IKBKB-DT: variants seen among roughly 807,000 people sequenced by gnomAD.
The protein encoded by IKBKB-DT is IKBKB divergent transcript.
chr8:42,238,600 C>T (rs371729135), intron 3 of IKBKB-DT, among the ~76,000 whole-genome samples: 15 of 152,300 alleles, frequency 9.8e-5, no homozygotes, highest in East Asian at 5.8e-4. Flanking sequence ...TTAGGAGTCA[C>T]GGAGCCAGAG....
At chr8:42,259,981 CA>C (rs111459897) in intron 3 of IKBKB-DT, among the ~76,000 whole-genome samples, 1,349 of 63,584 alleles carry the variant, frequency 0.021, 13 homozygotes, top group African/African-American at 0.049. Flanking sequence ...GACTCCGTCT[CA>C]AAAAAAAAAA....
intron 3 of IKBKB-DT, among the ~76,000 whole-genome samples, chr8:42,239,893 C>T (rs1806978441): frequency 2.0e-5 from 3 of 151,680 alleles, no homozygotes; most frequent in Admixed American, 2.0e-4. Flanking sequence ...CCTGGCTCAG[C>T]CTCCCAAAGT....
chr8:42,257,286 G>A (rs965417737), intron 3 of IKBKB-DT, among the ~76,000 whole-genome samples: 2 of 146,586 alleles, frequency 1.4e-5, no homozygotes, highest in Non-Finnish European at 3.0e-5. Flanking sequence ...GGCGGATCAC[G>A]AGGTCAACCA....
intron 3 of IKBKB-DT, among the ~76,000 whole-genome samples, chr8:42,237,801 A>T (rs1254738203): frequency 2.6e-5 from 4 of 151,994 alleles, no homozygotes; most frequent in Non-Finnish European, 4.4e-5. Flanking sequence ...AGACAGGAGG[A>T]TTGCTTGAAT....
At chr8:42,247,770 G>A (rs1221488906) in intron 3 of IKBKB-DT, among the ~76,000 whole-genome samples, 1 of 152,066 alleles carries the variant, frequency 6.6e-6, no homozygotes, top group African/African-American at 2.4e-5. Flanking sequence ...TTTCCTCTGG[G>A]CTTTTCTCTA....
chr8:42,239,628 ATATATATTTATT>A (rs1232171590), intron 3 of IKBKB-DT, among the ~76,000 whole-genome samples: 1 of 95,048 alleles, frequency 1.1e-5, no homozygotes, highest in East Asian at 3.1e-4. Flanking sequence ...ATATATATAT[ATATATATTTATT>A]TATTTATTCA....
At chr8:42,268,059 G>C (rs1320720588) in intron 1 of IKBKB-DT, among the ~76,000 whole-genome samples, 2 of 151,606 alleles carry the variant, frequency 1.3e-5, no homozygotes, top group African/African-American at 4.9e-5. Context: ...CAGGATTAAA[G>C]AGAAACCTTT....
intron 1 of IKBKB-DT, among the ~76,000 whole-genome samples, chr8:42,267,113 T>A (rs1015190050): frequency 1.1e-4 from 17 of 151,104 alleles, no homozygotes; most frequent in African/African-American, 3.9e-4. Flanking sequence ...CACACCATTC[T>A]CCTGCCTCAG....
intron 3 of IKBKB-DT, among the ~76,000 whole-genome samples, chr8:42,236,948 G>C (rs1275774450): frequency 6.6e-6 from 1 of 152,030 alleles, no homozygotes; most frequent in African/African-American, 2.4e-5. Flanking sequence ...TTGAGCTCTT[G>C]AGTTCAAGTA....
At chr8:42,239,632 A>ATATATATATATATATATATATATT (rs1287944961) in intron 3 of IKBKB-DT, among the ~76,000 whole-genome samples, 68 of 86,930 alleles carry the variant, frequency 7.8e-4, no homozygotes, top group African/African-American at 2.3e-3. Flanking sequence ...ATATATATAT[A>ATATATATATATATATATATATATT]TATTTATTTA....
At chr8:42,259,576 A>G (rs1244695036) in intron 3 of IKBKB-DT, among the ~76,000 whole-genome samples, 1 of 152,176 alleles carries the variant, frequency 6.6e-6, no homozygotes, top group African/African-American at 2.4e-5. Flanking sequence ...CATGTGATAA[A>G]CCATAATCAT....
chr8:42,262,573 G>A (rs1302681669), intron 3 of IKBKB-DT, among the ~76,000 whole-genome samples: 4 of 151,852 alleles, frequency 2.6e-5, no homozygotes, highest in Non-Finnish European at 5.9e-5. Context: ...CTGAGTAGCT[G>A]GGACTACAGG....
intron 1 of IKBKB-DT, chr8:42,270,439 G>A (rs1178318324): frequency 6.6e-6 from 1 of 152,340 alleles, no homozygotes; most frequent in Non-Finnish European, 1.5e-5. Flanking sequence ...GGGTGACAGA[G>A]CGAGATAATA....
chr8:42,239,632 A>ATATATATATATTTATT (rs1287944961), intron 3 of IKBKB-DT, among the ~76,000 whole-genome samples: 9 of 86,970 alleles, frequency 1.0e-4, no homozygotes, highest in African/African-American at 3.9e-4. Flanking sequence ...ATATATATAT[A>ATATATATATATTTATT]TATTTATTTA....
intron 3 of IKBKB-DT, among the ~76,000 whole-genome samples, chr8:42,242,155 C>T (rs1228360284): frequency 6.6e-6 from 1 of 152,090 alleles, no homozygotes; most frequent in African/African-American, 2.4e-5. Context: ...GCAGAGGTTG[C>T]AGTGAGCTGA....
At chr8:42,253,718 T>C (rs978208148) in intron 3 of IKBKB-DT, among the ~76,000 whole-genome samples, 2 of 152,212 alleles carry the variant, frequency 1.3e-5, no homozygotes, top group Non-Finnish European at 2.9e-5. Context: ...AGGCCATTTG[T>C]ATACTTTCTG....
intron 3 of IKBKB-DT, among the ~76,000 whole-genome samples, chr8:42,241,200 T>G (rs1806996991): frequency 6.7e-6 from 1 of 149,756 alleles, no homozygotes; most frequent in African/African-American, 2.5e-5. Context: ...TCCCAACAGT[T>G]GATGCCTTTA....
At chr8:42,241,934 C>T (rs1004954538) in intron 3 of IKBKB-DT, among the ~76,000 whole-genome samples, 8 of 152,136 alleles carry the variant, frequency 5.3e-5, no homozygotes, top group African/African-American at 1.7e-4. Context: ...AAGCAGATGG[C>T]CTGGCGTGGT....
At chr8:42,244,972 G>A (rs58145734) in intron 3 of IKBKB-DT, among the ~76,000 whole-genome samples, 5,479 of 152,168 alleles carry the variant, frequency 0.036, 332 homozygotes, top group African/African-American at 0.13. Flanking sequence ...AGTTTGGGCC[G>A]GGCGTGGTGG....
Sources: allele counts gnomAD v4.1 joint callset (sites outside exome capture counted in the v4.1 genomes callset), GRCh38; gene constraint gnomAD v4.1.1; transcripts MANE v1.5; gene names NCBI Gene and HGNC (gene_info 2026-07-23, HGNC 2026-07-21).